The following GMPS variants were observed in gnomAD, a reference collection of about 807,000 sequenced individuals.
GMPS encodes GMP synthase [glutamine-hydrolyzing].
GMPS carries 15 observed loss-of-function variants against 77.9 expected under a neutral mutation model. That is an observed-to-expected ratio of 0.19 (90% CI 0.13 to 0.30). GMPS has a LOEUF of 0.30. Ranked by LOEUF, GMPS falls within the 10% of genes least tolerant of loss-of-function variation. The pLI is 1.00. For missense variants in GMPS, 590 were observed against 838.8 expected (o/e 0.70, Z 3.66); for synonymous variants, 224 against 275.9 (o/e 0.81, Z 1.86).
chr3:155,939,133 T>G lies in GMPS; in HGVS notation c.*1441T>G, dbSNP rs1419582865. ...AGCAAGGGAAGAGTTTCTGTCTGTCTTAACAGAAATCTGTCCCCAAGACAA... is the reference window on the plus strand; with the variant it reads ...AGCAAGGGAAGAGTTTCTGTCTGTCGTAACAGAAATCTGTCCCCAAGACAA... On this transcript the variant is annotated 3_prime_UTR_variant, in exon 16 of 16. Transcript: ENST00000496455. 1 of 219,164 alleles carries G rather than the reference T, an allele frequency of 4.6e-6. No homozygotes were observed. The highest frequency in any genetic ancestry group is 9.2e-6 in the Non-Finnish European group (1 of 109,170). 13.6% of individuals were successfully genotyped at this position (219,164 alleles called of 1,614,324 possible).
intron 13 of GMPS, among the ~76,000 whole-genome samples, chr3:155,932,825 T>G (rs1755660195): frequency 6.6e-6 from 1 of 152,200 alleles, no homozygotes; most frequent in Non-Finnish European, 1.5e-5. Flanking sequence ...ATTCAAAGGC[T>G]TACTCAAATG....
intron 1 of GMPS, among the ~76,000 whole-genome samples, chr3:155,878,270 A>G (rs530494821): frequency 3.3e-5 from 5 of 152,326 alleles, no homozygotes; most frequent in African/African-American, 1.2e-4. Flanking sequence ...CTTAAAATAT[A>G]TGGTGTTTTG....
Position 155,940,213 on chromosome 3 carries a change from G to A in GMPS, c.*2521G>A, listed in dbSNP as rs1755856000. 1 of 199,808 alleles carries A rather than the reference G, an allele frequency of 5.0e-6. No homozygotes were observed. The highest frequency in any genetic ancestry group is 1.9e-4 in the South Asian group (1 of 5,226). The allele number at this position is 199,808 out of a possible 1,614,324, so 12.4% of individuals were successfully genotyped here. The stretch of plus-strand genomic sequence containing the variant: ...AGACAGAGAATGTAGATCATTGAAA[G>A]CATTATTTATTCCTAAGATTGGCAG... On this transcript the variant is annotated 3_prime_UTR_variant, in exon 16 of 16. Transcript: ENST00000496455.
chr3:155,882,907 A>G (rs1577500913), intron 1 of GMPS, among the ~76,000 whole-genome samples: 1 of 152,264 alleles, frequency 6.6e-6, no homozygotes, highest in East Asian at 1.9e-4. Context: ...GATTTTATTC[A>G]TTATTTCCAA....
intron 12 of GMPS, among the ~76,000 whole-genome samples, chr3:155,931,237 G>A (rs1755607519): frequency 1.3e-5 from 2 of 151,606 alleles, no homozygotes; most frequent in South Asian, 4.2e-4. Flanking sequence ...AGGCTGGAGT[G>A]CAGTGATACG....
intron 3 of GMPS, among the ~76,000 whole-genome samples, chr3:155,902,958 G>T (rs2108089084): frequency 6.6e-6 from 1 of 152,286 alleles, no homozygotes; most frequent in African/African-American, 2.4e-5. Context: ...AGTTTACTGT[G>T]AATGCCTAAG....
At chr3:155,923,377 T>C (rs1755368081) in intron 11 of GMPS, among the ~76,000 whole-genome samples, 1 of 151,876 alleles carries the variant, frequency 6.6e-6, no homozygotes. Flanking sequence ...AAGGAAATAA[T>C]AGAAAAAAAT....
chr3:155,919,419 T>C (rs1361442320), intron 10 of GMPS, 81 bp downstream of exon 10: 2 of 686,084 alleles, frequency 2.9e-6, no homozygotes, highest in Non-Finnish European at 5.2e-6. Flanking sequence ...AATTCTGAAA[T>C]AATCTGTCAT....
rs1553788823 is a variant in GMPS, at chr3:155,932,314, A to ACC, written c.1676+437_1676+438dup. Among the ~76,000 whole-genome samples, 57 of 146,446 alleles carry ACC rather than the reference A, an allele frequency of 3.9e-4. 1 individual carries two copies. The highest frequency in any genetic ancestry group is 5.0e-4 in the Non-Finnish European group (33 of 66,246). ...CACACACACACACACACACACACAC[A>ACC]CCCCTACAAAACAAACAACCCCCAC... On this transcript the variant is annotated intron_variant, in intron 13 of 15. Coordinates refer to ENST00000496455, the MANE Select transcript of GMPS (RefSeq NM_003875.3).
intron 12 of GMPS, among the ~76,000 whole-genome samples, chr3:155,929,475 A>C: frequency 6.7e-6 from 1 of 149,924 alleles, no homozygotes. Flanking sequence ...GCCCTCTCTC[A>C]CCACTCCTAT....
chr3:155,937,955 T>C lies in GMPS; in HGVS notation c.*263T>C, dbSNP rs940063791. On this transcript the variant is annotated 3_prime_UTR_variant, in exon 16 of 16. Coordinates refer to ENST00000496455, the MANE Select transcript of GMPS (RefSeq NM_003875.3). ...TTTTGCCTTTGCCTCACTTATTCTT[T>C]ATGTATAAATTCACTGTTGATGTCT... 2.2e-5 allele frequency: 8 copies of C among 357,060 alleles called. No individual in the cohort carries two copies. Among genetic ancestry groups the C allele is most frequent in the African/African-American group, 1.4e-4 (7 of 48,474 alleles). The allele number at this position is 357,060 out of a possible 1,614,324, so 22.1% of individuals were successfully genotyped here. A position where few individuals can be genotyped will look rare whatever the true frequency, so the allele number is the denominator to read the frequency against.
At position 155,909,686 on chromosome 3, in the gene GMPS, A is replaced by G. The variant is rs372751560; in HGVS notation, c.527-1006A>G. On this transcript the variant is annotated intron_variant, in intron 5 of 15. Transcript: ENST00000496455. ...GGAAGAAGGCTGGGTGCAGTGGCGCACACCTGTAATCCCAGCACTTTGGGA... is the reference window on the plus strand; with the variant it reads ...GGAAGAAGGCTGGGTGCAGTGGCGCGCACCTGTAATCCCAGCACTTTGGGA... 1.2e-4 allele frequency among the ~76,000 whole-genome samples: 19 copies of G among 152,328 alleles called. No individual in the cohort carries two copies. In the East Asian group the frequency reaches 3.3e-3, roughly 26 times the overall value.
At chr3:155,908,271 C>T (rs967636410) in intron 5 of GMPS, among the ~76,000 whole-genome samples, 3 of 152,208 alleles carry the variant, frequency 2.0e-5, no homozygotes, top group African/African-American at 4.8e-5. Context: ...GGTGGGGCCA[C>T]AGGAAGTTCT....
At chr3:155,931,376 G>C (rs1755610587) in intron 12 of GMPS, among the ~76,000 whole-genome samples, 1 of 151,406 alleles carries the variant, frequency 6.6e-6, no homozygotes, top group Non-Finnish European at 1.5e-5. Flanking sequence ...AGTAGAGATG[G>C]GGTTTCATCA....
chr3:155,902,785 G>A (rs147578378), intron 3 of GMPS, among the ~76,000 whole-genome samples: 30 of 152,302 alleles, frequency 2.0e-4, no homozygotes, highest in Middle Eastern at 6.8e-3. Context: ...CTAGAGTCAA[G>A]GGAAATGATT....
At position 155,939,181 on chromosome 3, in the gene GMPS, A is replaced by T; in HGVS notation, c.*1489A>T. The T allele has an allele frequency of 4.5e-6, 1 of 220,038 alleles. No individual in the cohort carries two copies. The highest frequency in any genetic ancestry group is 9.1e-6 in the Non-Finnish European group (1 of 109,818). The allele number at this position is 220,038 out of a possible 1,614,324, so 13.6% of individuals were successfully genotyped here. A position where few individuals can be genotyped will look rare whatever the true frequency, so the allele number is the denominator to read the frequency against. On this transcript the variant is annotated 3_prime_UTR_variant, in exon 16 of 16. Coordinates refer to ENST00000496455, the MANE Select transcript of GMPS (RefSeq NM_003875.3). Reference sequence around the variant, plus strand: ...CAAAGGGGTACTTGACTCCTACAAAACTTAAAGGGTACATTCTCTATCTGA... The same window carrying T: ...CAAAGGGGTACTTGACTCCTACAAATCTTAAAGGGTACATTCTCTATCTGA...
At chr3:155,871,530 C>G (rs781573374) in intron 1 of GMPS, among the ~76,000 whole-genome samples, 1 of 152,224 alleles carries the variant, frequency 6.6e-6, no homozygotes, top group Non-Finnish European at 1.5e-5. Flanking sequence ...CCCCAACGCC[C>G]CTGCAGGCCC....
At chr3:155,887,374 A>T (rs1754361300) in intron 1 of GMPS, among the ~76,000 whole-genome samples, 1 of 152,208 alleles carries the variant, frequency 6.6e-6, no homozygotes, top group Admixed American at 6.5e-5. Flanking sequence ...ATTGTATCAT[A>T]TCAAGAGGAG....
intron 1 of GMPS, among the ~76,000 whole-genome samples, chr3:155,876,796 A>G (rs777369084): frequency 1.3e-5 from 2 of 152,232 alleles, no homozygotes; most frequent in African/African-American, 2.4e-5. Context: ...TTATATAATA[A>G]GAGTATTATT....
Sources: allele counts gnomAD v4.1 joint callset (sites outside exome capture counted in the v4.1 genomes callset), GRCh38; gene constraint gnomAD v4.1.1; transcripts MANE v1.5; gene names NCBI Gene and HGNC (gene_info 2026-07-23, HGNC 2026-07-21).